The following PSD3 variants were observed in gnomAD, a reference collection of about 807,000 sequenced individuals.
The protein encoded by PSD3 is PH and SEC7 domain-containing protein 3.
PSD3 carries 49 observed loss-of-function variants against 105.5 expected under a neutral mutation model. The ratio of observed to expected loss-of-function variants is 0.46; its 90% CI spans 0.37 to 0.59. The LOEUF (loss-of-function observed/expected upper bound fraction) is 0.59. Among genes scored for constraint, PSD3 ranks in the 20% least tolerant of loss-of-function variants. The probability of loss-of-function intolerance (pLI) is 0.00; values close to 1 mark genes in which losing one functional copy is unlikely to be tolerated. For missense variants in PSD3, 1,561 were observed against 1,263.8 expected, an observed-to-expected ratio of 1.24 and a Z score of -3.57; for synonymous variants, 557 against 457.8, an observed-to-expected ratio of 1.22 and a Z score of -2.77.
At chr8:18,681,555 G>T (rs1800393012) in intron 9 of PSD3, among the ~76,000 whole-genome samples, 1 of 151,596 alleles carries the variant, frequency 6.6e-6, no homozygotes, top group Non-Finnish European at 1.5e-5. Flanking sequence ...GATTAAAATT[G>T]GAGGAAAACG....
At chr8:19,074,600 TATATATATA>T (rs1829388881) in intron 1 of PSD3, among the ~76,000 whole-genome samples, 1 of 18,546 alleles carries the variant, frequency 5.4e-5, no homozygotes, top group African/African-American at 9.2e-5. Flanking sequence ...TACATATATA[TATATATATA>T]TATTTTTTTT....
At chr8:18,776,322 A>G (rs1047663976) in intron 8 of PSD3, among the ~76,000 whole-genome samples, 49 of 147,302 alleles carry the variant, frequency 3.3e-4, no homozygotes, top group African/African-American at 1.2e-3. Context: ...TAAAATATAT[A>G]TAAACTATAT....
At chr8:18,736,958 T>C (rs1475496341) in intron 9 of PSD3, among the ~76,000 whole-genome samples, 1 of 152,250 alleles carries the variant, frequency 6.6e-6, no homozygotes, top group Non-Finnish European at 1.5e-5. Flanking sequence ...GAGATGATTA[T>C]GCTGAGTGTG....
chr8:18,698,521 T>C (rs1801391473), intron 9 of PSD3, among the ~76,000 whole-genome samples: 2 of 152,006 alleles, frequency 1.3e-5, no homozygotes, highest in South Asian at 4.2e-4. Flanking sequence ...AAGGGGGTCA[T>C]GAATCAAGGA....
rs546559521 is a variant in PSD3, at chr8:19,060,262, G to A, written c.324+23944C>T. Among the ~76,000 whole-genome samples the A allele has an allele frequency of 3.2e-4, 49 of 152,236 alleles. No individual in the cohort carries two copies. The South Asian group carries it at 0.01, about 32-fold the overall frequency. ...AGAAAAAAAACTTTAAAAATGAAAT[G>A]AGTTTCCAAGAAACAGTTTTAGGAA... On this transcript the variant is annotated intron_variant, in intron 1 of 1. Coordinates refer to the PSD3 transcript ENST00000521475.
At chr8:18,551,060 A>T (rs1444491738) in intron 15 of PSD3, among the ~76,000 whole-genome samples, 2 of 152,202 alleles carry the variant, frequency 1.3e-5, no homozygotes, top group African/African-American at 2.4e-5. Context: ...TTGCAGCTTA[A>T]TTGCTAGAAA....
chr8:18,879,751 C>T (rs974445697), intron 2 of PSD3, among the ~76,000 whole-genome samples: 17 of 152,082 alleles, frequency 1.1e-4, no homozygotes, highest in Non-Finnish European at 2.4e-4. Context: ...CCATCTCACC[C>T]GGCTAATTTT....
intron 9 of PSD3, among the ~76,000 whole-genome samples, chr8:18,716,307 C>A (rs1247461424): frequency 1.3e-5 from 2 of 152,160 alleles, no homozygotes; most frequent in Non-Finnish European, 2.9e-5. Context: ...CAAACCACAA[C>A]CAGAACCTGA....
chr8:18,774,119 A>G (rs1409087336), intron 8 of PSD3, among the ~76,000 whole-genome samples: 1 of 152,134 alleles, frequency 6.6e-6, no homozygotes, highest in Non-Finnish European at 1.5e-5. Flanking sequence ...TCTTTTGTAT[A>G]GTCCTGAAGA....
intron 9 of PSD3, among the ~76,000 whole-genome samples, chr8:18,716,503 A>G (rs1315506130): frequency 3.3e-5 from 5 of 152,162 alleles, no homozygotes; most frequent in Admixed American, 3.3e-4. Context: ...GTGTATTCAC[A>G]CAGCAGCAAG....
chr8:18,591,064 T>C (rs944260105), intron 12 of PSD3, among the ~76,000 whole-genome samples: 1 of 152,106 alleles, frequency 6.6e-6, no homozygotes, highest in Non-Finnish European at 1.5e-5. Context: ...TAATCAATGA[T>C]TTATGGACCA....
At chr8:18,581,392 G>C (rs1235566903) in intron 12 of PSD3, among the ~76,000 whole-genome samples, 1 of 151,618 alleles carries the variant, frequency 6.6e-6, no homozygotes, top group Non-Finnish European at 1.5e-5. Flanking sequence ...GGCACTGCAA[G>C]TACTAGAAAA....
At chr8:18,752,501 A>AATT (rs375165572) in intron 9 of PSD3, among the ~76,000 whole-genome samples, 3,886 of 88,574 alleles carry the variant, frequency 0.044, 263 homozygotes, top group East Asian at 0.24. Context: ...TAATATATAT[A>AATT]ATATATATAA....
intron 1 of PSD3, among the ~76,000 whole-genome samples, chr8:18,953,251 G>T (rs542974394): frequency 2.0e-5 from 3 of 152,172 alleles, no homozygotes; most frequent in African/African-American, 4.8e-5. Context: ...TCCTGGTTGG[G>T]GTATAAATTA....
At chr8:18,668,849 TA>T (rs1282453626) in intron 9 of PSD3, among the ~76,000 whole-genome samples, 1 of 152,238 alleles carries the variant, frequency 6.6e-6, no homozygotes, top group Non-Finnish European at 1.5e-5. Flanking sequence ...TCAGAGTTAA[TA>T]AAGTTAAAAG....
chr8:18,583,712 C>T (rs1328080243), intron 12 of PSD3, among the ~76,000 whole-genome samples: 1 of 152,206 alleles, frequency 6.6e-6, no homozygotes. Flanking sequence ...TTCTCTTGCT[C>T]AGGTTAAGTG....
At chr8:19,030,800 G>A (rs978351216) in intron 1 of PSD3, among the ~76,000 whole-genome samples, 7 of 152,072 alleles carry the variant, frequency 4.6e-5, no homozygotes, top group African/African-American at 1.7e-4. Flanking sequence ...GATCATCCAA[G>A]GAATTCAATA....
intron 10 of PSD3, among the ~76,000 whole-genome samples, 162 bp downstream of exon 10, chr8:18,655,480 G>A (rs1471467178): frequency 2.0e-5 from 3 of 152,114 alleles, no homozygotes; most frequent in Admixed American, 6.6e-5. Context: ...ACTTGTATCT[G>A]GGTTTACTTG....
intron 9 of PSD3, among the ~76,000 whole-genome samples, chr8:18,702,167 A>G (rs1017963408): frequency 6.6e-6 from 1 of 152,216 alleles, no homozygotes; most frequent in African/African-American, 2.4e-5. Context: ...AGGCTGAAAT[A>G]ATCAATTTGT....
Sources: gnomAD v4.1 joint callset for allele counts (sites outside exome capture counted in the v4.1 genomes callset) on GRCh38, gnomAD v4.1.1 for gene constraint, MANE v1.5 for transcripts, NCBI Gene and HGNC (gene_info 2026-07-23, HGNC 2026-07-21) for gene names.